The following TMEM168 variants were observed in gnomAD, a reference collection of about 807,000 sequenced individuals.
TMEM168 encodes transmembrane protein 168.
TMEM168 carries 40 observed loss-of-function variants against 53.2 expected under a neutral mutation model. The observed-to-expected ratio is 0.75, with a 90% CI of 0.58 to 0.98. TMEM168 has a LOEUF of 0.98. Ranked by LOEUF, TMEM168 falls within the 50% of genes least tolerant of loss-of-function variation. TMEM168 has a pLI of 0.00. For synonymous variants in TMEM168, 282 were observed against 293.0 expected, an observed-to-expected ratio of 0.96 and a Z score of 0.38; for missense variants, 771 against 828.8, an observed-to-expected ratio of 0.93 and a Z score of 0.86.
chr7:112,783,547 C>T (rs1489669209), intron 2 of TMEM168, 151 bp downstream of exon 2: 31 of 783,144 alleles, frequency 4.0e-5, no homozygotes, highest in Non-Finnish European at 5.3e-5. Context: ...TCTTGAAACA[C>T]ATTCAGTGCT....
intron 1 of TMEM168, among the ~76,000 whole-genome samples, chr7:112,787,444 A>G (rs1269706962): frequency 6.6e-6 from 1 of 152,076 alleles, no homozygotes; most frequent in Non-Finnish European, 1.5e-5. Context: ...CAATGGCAGG[A>G]TCTTGGCTCA....
At chr7:112,789,296 T>C (rs1046281043) in intron 1 of TMEM168, among the ~76,000 whole-genome samples, 17 of 152,110 alleles carry the variant, frequency 1.1e-4, no homozygotes, top group African/African-American at 3.9e-4. Context: ...ATTTCATGTC[T>C]GCATTTCCCA....
intron 3 of TMEM168, 47 bp from the exon 4 acceptor site, chr7:112,773,102 T>C (rs773926314): frequency 1.4e-5 from 21 of 1,519,610 alleles, no homozygotes; most frequent in Non-Finnish European, 1.6e-5. Flanking sequence ...TATCACATTC[T>C]CATCTGTCAT....
chr7:112,767,357 C>T lies in TMEM168; in HGVS notation c.1934G>A (p.Arg645His), dbSNP rs749693143. The change falls in exon 5 of 5, where the codon CGT becomes CAT. Residue 645 changes from arginine (R) to histidine (H), a missense_variant. Transcript: ENST00000312814. ...VAKHWMLHFP[R>H]ITYPLVHLAN... ...CAAATGCACTAGGGGATATGTAATACGAGGAAAGTGTAACATCCAGTGCTT... is the reference window on the plus strand; with the variant it reads ...CAAATGCACTAGGGGATATGTAATATGAGGAAAGTGTAACATCCAGTGCTT... 132 of 1,614,036 alleles carry T rather than the reference C, an allele frequency of 8.2e-5. No homozygotes were observed. Among genetic ancestry groups the T allele is most frequent in the Non-Finnish European group, 9.7e-5 (115 of 1,180,020 alleles).
rs1047567390 is a variant in TMEM168, at chr7:112,763,817, C to T, written c.*3380G>A. The T allele has an allele frequency of 6.6e-6, 1 of 152,106 alleles. No homozygotes were observed. The highest frequency in any genetic ancestry group is 2.4e-5 in the African/African-American group (1 of 41,436). 9.4% of individuals were successfully genotyped at this position (152,106 alleles called of 1,614,324 possible). ...TTTACTCAAAACAAAAATCTACCCA[C>T]TAATGCATTAAATATAAGTGCATTT... is the stretch of plus-strand genomic sequence containing the variant. On this transcript the variant is annotated 3_prime_UTR_variant, in exon 5 of 5. Transcript: ENST00000312814.
chr7:112,777,722 A>G (rs928520427), intron 2 of TMEM168, among the ~76,000 whole-genome samples: 7 of 152,120 alleles, frequency 4.6e-5, no homozygotes, highest in African/African-American at 1.7e-4. Context: ...AGTTCTTTGT[A>G]AAATCTGCCT....
Position 112,775,181 on chromosome 7 carries a change from G to T in TMEM168, c.1266C>A (p.Phe422Leu). ...VGYAIVIPTN[F>L]CSPDGQPTLL... ...ACTATACTAGATTACTGTACCTGCA[G>T]AAGTTGGTGGGAATCACAATAGCAT... Residue 422 changes from phenylalanine (F) to leucine (L), a missense_variant, in exon 3 of 5, where the codon TTC becomes TTA. Transcript: ENST00000312814. 6.2e-7 allele frequency: 1 copy of T among 1,605,866 alleles called. No individual in the cohort carries two copies. Among genetic ancestry groups the T allele is most frequent in the Non-Finnish European group, 8.5e-7 (1 of 1,176,232 alleles).
At position 112,766,732 on chromosome 7, in the gene TMEM168, C is replaced by T. The variant is rs1221257361; in HGVS notation, c.*465G>A. The T allele has an allele frequency of 6.5e-6, 1 of 153,372 alleles. No individual in the cohort carries two copies. The highest frequency in any genetic ancestry group is 1.9e-4 in the East Asian group (1 of 5,198). 9.5% of individuals were successfully genotyped at this position (153,372 alleles called of 1,614,324 possible). A position where few individuals can be genotyped will look rare whatever the true frequency, so the allele number is the denominator to read the frequency against. On this transcript the variant is annotated 3_prime_UTR_variant, in exon 5 of 5. Coordinates refer to ENST00000312814, the MANE Select transcript of TMEM168 (RefSeq NM_022484.6). ...CTAAGAGAAAGAGTTTGCAGTTCTT[C>T]AAATGGTCTTGGATGAAACCTACTG...
chr7:112,776,458 A>G (rs1793086512), intron 2 of TMEM168, among the ~76,000 whole-genome samples: 1 of 152,084 alleles, frequency 6.6e-6, no homozygotes. Flanking sequence ...CTATATGCCT[A>G]GGTGCATGAA....
intron 4 of TMEM168, among the ~76,000 whole-genome samples, chr7:112,771,877 A>C (rs1792938509): frequency 6.6e-6 from 1 of 152,040 alleles, no homozygotes; most frequent in Non-Finnish European, 1.5e-5. Flanking sequence ...CATGTAATTA[A>C]ATCTAAAATA....
chr7:112,780,687 G>T lies in TMEM168; in HGVS notation c.1128+3011C>A, dbSNP rs534037270. Among the ~76,000 whole-genome samples, 345 of 152,240 alleles carry T rather than the reference G, an allele frequency of 2.3e-3. 1 individual carries two copies. Among genetic ancestry groups the T allele is most frequent in the African/African-American group, 8.1e-3 (338 of 41,552 alleles). The stretch of plus-strand genomic sequence containing the variant: ...TGCAGTGAGCCATGATTGTACCATT[G>T]TACTCTAGCCCACACTGCAGAGCAA... On this transcript the variant is annotated intron_variant, in intron 2 of 4. Transcript: ENST00000312814.
chr7:112,783,664 G>A (rs754284301), intron 2 of TMEM168, 34 bp downstream of exon 2: 30 of 1,402,458 alleles, frequency 2.1e-5, no homozygotes, highest in South Asian at 6.1e-5. Flanking sequence ...TTTATTACAC[G>A]TCATTGGGGT....
intron 3 of TMEM168, among the ~76,000 whole-genome samples, chr7:112,773,630 T>C (rs1025244492): frequency 6.6e-6 from 1 of 152,110 alleles, no homozygotes; most frequent in Non-Finnish European, 1.5e-5. Flanking sequence ...TGGACACTAG[T>C]TGAAGACTTA....
chr7:112,783,617 A>C (rs1021791203), intron 2 of TMEM168, 81 bp downstream of exon 2: 38 of 1,304,854 alleles, frequency 2.9e-5, no homozygotes, highest in Non-Finnish European at 6.0e-6. Context: ...CAGGAACTTG[A>C]CCTTATAACT....
chr7:112,775,832 T>G (rs1187583076), intron 2 of TMEM168, among the ~76,000 whole-genome samples: 2 of 152,132 alleles, frequency 1.3e-5, no homozygotes, highest in Admixed American at 6.6e-5. Context: ...TAATTCCGTT[T>G]ATATGGTATA....
In TMEM168 at chr7:112,775,160, T is replaced by C; in HGVS notation, c.1271+16A>G. ...TGAAGTGAATAGTTATCACTAACTA[T>C]ACTAGATTACTGTACCTGCAGAAGT... On this transcript the variant is annotated intron_variant, in intron 3 of 4. Transcript: ENST00000312814. 6.3e-7 allele frequency: 1 copy of C among 1,595,784 alleles called. No individual in the cohort carries two copies.
intron 1 of TMEM168, among the ~76,000 whole-genome samples, chr7:112,787,773 C>A (rs1293907454): frequency 8.9e-6 from 1 of 112,916 alleles, no homozygotes; most frequent in Non-Finnish European, 1.7e-5. Context: ...ATTCTTGTTG[C>A]CCAGGCTGGA....
At chr7:112,771,814 A>T (rs932268362) in intron 4 of TMEM168, among the ~76,000 whole-genome samples, 1 of 151,624 alleles carries the variant, frequency 6.6e-6, no homozygotes, top group Non-Finnish European at 1.5e-5. Context: ...TGACTATTTT[A>T]TTATTTATAT....
At chr7:112,780,604 TC>T (rs1204988787) in intron 2 of TMEM168, among the ~76,000 whole-genome samples, 4 of 152,014 alleles carry the variant, frequency 2.6e-5, no homozygotes, top group African/African-American at 9.7e-5. Flanking sequence ...ACACCTATAA[TC>T]CCAGCACTTT....
Sources: allele counts gnomAD v4.1 joint callset (sites outside exome capture counted in the v4.1 genomes callset), GRCh38; gene constraint gnomAD v4.1.1; transcripts MANE v1.5; gene names NCBI Gene and HGNC (gene_info 2026-07-23, HGNC 2026-07-21).